Variants in RFC3 observed in about 807,000 individuals in gnomAD.
The protein encoded by RFC3 is replication factor C subunit 3.
In RFC3, 41 loss-of-function variants were observed where a neutral mutation model predicts 45.1. The observed-to-expected ratio is 0.91, with a 90% CI of 0.71 to 1.18. The LOEUF (loss-of-function observed/expected upper bound fraction) is 1.18. Among genes scored for constraint, RFC3 ranks in the 50% most tolerant of loss-of-function variants. The pLI is 0.00. For synonymous variants in RFC3, 149 were observed against 144.0 expected (o/e 1.03, Z -0.25); for missense variants, 423 against 428.1 (o/e 0.99, Z 0.10).
chr13:33,942,855 T>C (rs1023396715), intron 8 of RFC3, among the ~76,000 whole-genome samples: 8 of 152,316 alleles, frequency 5.3e-5, no homozygotes, highest in African/African-American at 1.7e-4. Flanking sequence ...GGAGAAAATC[T>C]TGAGAAGTCT....
At chr13:33,881,104 G>C (rs1249942851) in intron 8 of RFC3, among the ~76,000 whole-genome samples, 1 of 151,884 alleles carries the variant, frequency 6.6e-6, no homozygotes, top group African/African-American at 2.4e-5. Flanking sequence ...GAACTCTATG[G>C]GTTAATATTT....
At chr13:33,825,612 T>C (rs957766188) in intron 3 of RFC3, among the ~76,000 whole-genome samples, 177 bp from the exon 4 acceptor site, 5 of 152,168 alleles carry the variant, frequency 3.3e-5, no homozygotes, top group Admixed American at 6.5e-5. Flanking sequence ...GTTAATCCAA[T>C]TGGAATATTG....
intron 4 of RFC3, among the ~76,000 whole-genome samples, chr13:33,826,993 A>G (rs1192023076): frequency 6.6e-6 from 1 of 152,180 alleles, no homozygotes; most frequent in African/African-American, 2.4e-5. Context: ...AATATTCTCA[A>G]GTTCCTATTT....
intron 8 of RFC3, among the ~76,000 whole-genome samples, chr13:33,874,696 T>C (rs2082434703): frequency 6.6e-6 from 1 of 152,202 alleles, no homozygotes; most frequent in Non-Finnish European, 1.5e-5. Context: ...AGGCTGTAAA[T>C]CCAACTGAGA....
At chr13:33,923,695 C>T (rs989505389) in intron 8 of RFC3, among the ~76,000 whole-genome samples, 2 of 152,066 alleles carry the variant, frequency 1.3e-5, no homozygotes, top group African/African-American at 4.8e-5. Context: ...GATGCAATGA[C>T]GAGAGGCCAG....
intron 8 of RFC3, among the ~76,000 whole-genome samples, chr13:33,889,342 G>A (rs1187935891): frequency 2.0e-5 from 3 of 152,090 alleles, no homozygotes; most frequent in Non-Finnish European, 2.9e-5. Flanking sequence ...TAACTCCACA[G>A]GCTGGTTGAT....
chr13:33,834,650 A>G (rs1208942575), intron 7 of RFC3, among the ~76,000 whole-genome samples: 3 of 152,006 alleles, frequency 2.0e-5, no homozygotes, highest in African/African-American at 4.8e-5. Flanking sequence ...TGCGTATATT[A>G]TCTTGTGTCA....
chr13:33,972,514 C>T, the RFC3 span, among the ~76,000 whole-genome samples: 2 of 152,052 alleles, frequency 1.3e-5, no homozygotes, highest in East Asian at 1.9e-4. Flanking sequence ...TGTATTTTAC[C>T]AAGTATTTTT....
Position 33,830,695 on chromosome 13 carries a change from C to T in RFC3, c.574-24C>T, listed in dbSNP as rs766885539. ...TTAATCTGCTTTTTAATGGATTGCCCATTTTTGTTAATTTTATTTGTAGAT... is the reference window on the plus strand; with the variant it reads ...TTAATCTGCTTTTTAATGGATTGCCTATTTTTGTTAATTTTATTTGTAGAT... On this transcript the variant is annotated intron_variant, in intron 5 of 8. Coordinates refer to ENST00000380071, the MANE Select transcript of RFC3 (RefSeq NM_002915.4). 2.5e-6 allele frequency: 4 copies of T among 1,595,226 alleles called. No individual in the cohort carries two copies. The Admixed American group carries it at 5.1e-5, about 20-fold the overall frequency.
intron 1 of RFC3, 131 bp downstream of exon 1, chr13:33,818,396 G>T (rs546758114): frequency 1.1e-4 from 71 of 658,846 alleles, no homozygotes; most frequent in Non-Finnish European, 1.7e-4. Flanking sequence ...AAATAACACA[G>T]GGAAGGGGGA....
At chr13:33,956,965 ATCATC>A (rs2083025908) in intron 8 of RFC3, among the ~76,000 whole-genome samples, 1 of 152,032 alleles carries the variant, frequency 6.6e-6, no homozygotes, top group Non-Finnish European at 1.5e-5. Flanking sequence ...CTTCTCCATC[ATCATC>A]TCATCATTTA....
intron 8 of RFC3, among the ~76,000 whole-genome samples, chr13:33,872,037 C>T (rs2082413382): frequency 6.6e-6 from 1 of 152,102 alleles, no homozygotes; most frequent in Non-Finnish European, 1.5e-5. Context: ...CAGGAGGTTT[C>T]ATTTGTTTCT....
chr13:33,941,195 C>T (rs1220951924), intron 8 of RFC3, among the ~76,000 whole-genome samples: 3 of 150,638 alleles, frequency 2.0e-5, no homozygotes, highest in Non-Finnish European at 4.4e-5. Context: ...TGTGAGGAGG[C>T]GGGCCTGTTA....
intron 8 of RFC3, among the ~76,000 whole-genome samples, chr13:33,861,247 AT>A (rs2082339170): frequency 1.3e-5 from 2 of 152,206 alleles, no homozygotes; most frequent in Non-Finnish European, 2.9e-5. Context: ...GATAAACTTT[AT>A]TTTAATGCGG....
intron 8 of RFC3, among the ~76,000 whole-genome samples, chr13:33,930,602 C>A (rs979306206): frequency 2.0e-5 from 3 of 152,066 alleles, no homozygotes; most frequent in Non-Finnish European, 4.4e-5. Context: ...AACACCCTCG[C>A]GGACACACCC....
intron 8 of RFC3, among the ~76,000 whole-genome samples, chr13:33,934,864 C>CA (rs2137782663): frequency 6.6e-6 from 1 of 152,230 alleles, no homozygotes; most frequent in South Asian, 2.1e-4. Flanking sequence ...GACTGCAGCC[C>CA]AAGCCCCATG....
intron 8 of RFC3, among the ~76,000 whole-genome samples, chr13:33,958,688 A>T (rs1449263272): frequency 6.6e-6 from 1 of 152,162 alleles, no homozygotes; most frequent in East Asian, 1.9e-4. Context: ...GGCTTCTGGG[A>T]AGACTGTGGA....
intron 8 of RFC3, among the ~76,000 whole-genome samples, chr13:33,945,554 T>C (rs2082949420): frequency 6.6e-6 from 1 of 152,216 alleles, no homozygotes; most frequent in Non-Finnish European, 1.5e-5. Context: ...TGTACATCTC[T>C]CTTCACCCTA....
chr13:33,964,275 TG>T (rs1385031428), intron 8 of RFC3, among the ~76,000 whole-genome samples: 1 of 152,072 alleles, frequency 6.6e-6, no homozygotes, highest in Non-Finnish European at 1.5e-5. Flanking sequence ...AGATAGAAAA[TG>T]GGTATTCCAA....
Sources: allele counts gnomAD v4.1 joint callset (sites outside exome capture counted in the v4.1 genomes callset), GRCh38; gene constraint gnomAD v4.1.1; transcripts MANE v1.5; gene names NCBI Gene and HGNC (gene_info 2026-07-23, HGNC 2026-07-21).